TAMM41: variants seen among roughly 807,000 people sequenced by gnomAD.
TAMM41 encodes TAM41 mitochondrial translocator assembly and maintenance homolog.
In TAMM41, 36 loss-of-function variants were observed where a neutral mutation model predicts 44.1. The ratio of observed to expected loss-of-function variants is 0.82; its 90% CI spans 0.63 to 1.08. The LOEUF (loss-of-function observed/expected upper bound fraction) is 1.08, where lower values mean the gene tolerates loss of function less well. Ranked by LOEUF, TAMM41 falls within the 50% of genes least tolerant of loss-of-function variation. TAMM41 has a pLI of 0.00. For missense variants in TAMM41, 417 were observed against 404.3 expected (o/e 1.03, Z -0.27); for synonymous variants, 164 against 153.1 (o/e 1.07, Z -0.53).
chr3:11,789,294 AAAAAT>A (rs2077436000), downstream of TAMM41, among the ~76,000 whole-genome samples: 1 of 152,228 alleles, frequency 6.6e-6, no homozygotes, highest in South Asian at 2.1e-4. Flanking sequence ...ATAGTAAACA[AAAAAT>A]AAGTAGACAA....
the TAMM41 span, among the ~76,000 whole-genome samples, chr3:11,732,851 A>G: frequency 2.0e-5 from 3 of 152,156 alleles, no homozygotes; most frequent in African/African-American, 7.2e-5. Flanking sequence ...TGGCTGGACC[A>G]TAGGAAATAG....
At chr3:11,779,615 CT>C in the TAMM41 span, among the ~76,000 whole-genome samples, 12 of 149,752 alleles carry the variant, frequency 8.0e-5, no homozygotes, top group Admixed American at 2.0e-4. Context: ...TCTCTTCATG[CT>C]GGTGTTTGTT....
At chr3:11,835,513 G>T (rs1429209231) in intron 3 of TAMM41, among the ~76,000 whole-genome samples, 2 of 152,158 alleles carry the variant, frequency 1.3e-5, no homozygotes, top group African/African-American at 4.8e-5. Context: ...ATGAGCATGG[G>T]TGCTACTACT....
chr3:11,822,045 G>A (rs1161497583), intron 4 of TAMM41, among the ~76,000 whole-genome samples: 2 of 152,072 alleles, frequency 1.3e-5, no homozygotes, highest in Admixed American at 6.5e-5. Context: ...TTAGACCTGG[G>A]CCGTCCCCAG....
intron 7 of TAMM41, among the ~76,000 whole-genome samples, chr3:11,797,694 C>T (rs1302507811): frequency 6.6e-6 from 1 of 152,048 alleles, no homozygotes; most frequent in Non-Finnish European, 1.5e-5. Context: ...CAGTGAAGAA[C>T]AGAGTGAACA....
chr3:11,782,728 T>C, the TAMM41 span, among the ~76,000 whole-genome samples: 2 of 152,216 alleles, frequency 1.3e-5, no homozygotes, highest in African/African-American at 2.4e-5. Context: ...TAATGGCCTG[T>C]GCCTGTGAAA....
chr3:11,786,275 ATTT>A (rs748291986), downstream of TAMM41, among the ~76,000 whole-genome samples: 2,355 of 128,578 alleles, frequency 0.018, 60 homozygotes, highest in African/African-American at 0.06. Flanking sequence ...TTATTTATTT[ATTT>A]ATTTAATTTT....
At chr3:11,742,785 G>A in the TAMM41 span, among the ~76,000 whole-genome samples, 2 of 139,738 alleles carry the variant, frequency 1.4e-5, no homozygotes, top group Non-Finnish European at 3.0e-5. Flanking sequence ...GGTAGAGACA[G>A]GGGTCTCGCC....
the TAMM41 span, among the ~76,000 whole-genome samples, chr3:11,779,812 T>A: frequency 6.6e-6 from 1 of 152,174 alleles, no homozygotes; most frequent in Non-Finnish European, 1.5e-5. Context: ...CGCAGCATGT[T>A]CAGACCCGAA....
chr3:11,815,872 G>A (rs549784858), intron 5 of TAMM41, among the ~76,000 whole-genome samples: 1 of 152,178 alleles, frequency 6.6e-6, no homozygotes, highest in Non-Finnish European at 1.5e-5. Flanking sequence ...AGCTGCCTCT[G>A]GTAAGCAGGG....
the TAMM41 span, among the ~76,000 whole-genome samples, chr3:11,739,920 G>A: frequency 6.6e-6 from 1 of 152,088 alleles, no homozygotes; most frequent in Non-Finnish European, 1.5e-5. Context: ...TCCAGTGCCT[G>A]GCACAGAGCC....
downstream of TAMM41, chr3:11,790,426 A>G: frequency 7.5e-7 from 1 of 1,333,794 alleles, no homozygotes; most frequent in Admixed American, 1.9e-5. Context: ...GCAATGGGTC[A>G]AAGTAACAAA....
chr3:11,723,118 AAAAAT>A, the TAMM41 span, among the ~76,000 whole-genome samples: 3 of 152,028 alleles, frequency 2.0e-5, no homozygotes, highest in South Asian at 4.2e-4. Flanking sequence ...GCTGAGTCTC[AAAAAT>A]AAAATAAAAT....
chr3:11,832,164 A>C (rs977109062), intron 3 of TAMM41, among the ~76,000 whole-genome samples: 1 of 152,200 alleles, frequency 6.6e-6, no homozygotes, highest in Non-Finnish European at 1.5e-5. Context: ...GGTCCTATAA[A>C]AACACCTATG....
chr3:11,814,103 A>G (rs1052833561), intron 5 of TAMM41, among the ~76,000 whole-genome samples: 1 of 151,850 alleles, frequency 6.6e-6, no homozygotes, highest in Non-Finnish European at 1.5e-5. Flanking sequence ...ACTTGAGTGC[A>G]AGAGTTCAAG....
chr3:11,771,046 T>C, the TAMM41 span, among the ~76,000 whole-genome samples: 3 of 151,880 alleles, frequency 2.0e-5, no homozygotes, highest in Non-Finnish European at 4.4e-5. Context: ...CTCTCTAGGC[T>C]TAGGACCCAG....
intron 1 of TAMM41, 62 bp downstream of exon 1, chr3:11,846,440 C>G (rs568732811): frequency 1.2e-6 from 2 of 1,600,754 alleles, no homozygotes; most frequent in South Asian, 2.2e-5. Context: ...CTGAAGGAAT[C>G]GAGGGCAAAA....
chr3:11,793,059 CA>C (rs61264653), intron 7 of TAMM41, among the ~76,000 whole-genome samples: 2,437 of 64,954 alleles, frequency 0.038, 13 homozygotes, highest in Middle Eastern at 0.062. Flanking sequence ...GGCCCCATCT[CA>C]AAAAAAAAAA....
At chr3:11,825,614 G>A (rs906137268) in intron 4 of TAMM41, among the ~76,000 whole-genome samples, 11 of 152,074 alleles carry the variant, frequency 7.2e-5, no homozygotes, top group Admixed American at 1.3e-4. Flanking sequence ...TCACTGCTTC[G>A]TCTTATTCCT....
Sources: gnomAD v4.1 joint callset for allele counts (sites outside exome capture counted in the v4.1 genomes callset) on GRCh38, gnomAD v4.1.1 for gene constraint, MANE v1.5 for transcripts, NCBI Gene and HGNC (gene_info 2026-07-23, HGNC 2026-07-21) for gene names.